LRP1B: variants seen among roughly 807,000 people sequenced by gnomAD.
The protein encoded by LRP1B is LDL receptor related protein 1B.
A neutral mutation model predicts 556.6 loss-of-function variants in LRP1B; 217 were observed. The ratio of observed to expected loss-of-function variants is 0.39; its 90% CI spans 0.35 to 0.44. The LOEUF (loss-of-function observed/expected upper bound fraction) is 0.44. Ranked by LOEUF, LRP1B falls within the 20% of genes least tolerant of loss-of-function variation. LRP1B has a pLI of 1.00. For synonymous variants in LRP1B, 2,047 were observed against 1,865.8 expected (o/e 1.10, Z -2.50); for missense variants, 5,053 against 5,620.8 (o/e 0.90, Z 3.23).
At chr2:140,550,330 C>T (rs1039341676) in intron 43 of LRP1B, among the ~76,000 whole-genome samples, 1 of 152,052 alleles carries the variant, frequency 6.6e-6, no homozygotes. Flanking sequence ...GGAAAGAGCA[C>T]AGTACTCAAA....
At chr2:140,440,606 CT>C (rs994632341) in intron 66 of LRP1B, among the ~76,000 whole-genome samples, 6 of 152,098 alleles carry the variant, frequency 3.9e-5, no homozygotes, top group African/African-American at 1.4e-4. Flanking sequence ...CCACTTATCC[CT>C]TTCAAAAATA....
chr2:141,187,951 T>C (rs1470634861), intron 7 of LRP1B, among the ~76,000 whole-genome samples: 2 of 151,998 alleles, frequency 1.3e-5, no homozygotes, highest in Non-Finnish European at 2.9e-5. Flanking sequence ...ACAAAGATAT[T>C]TTTAATGTTT....
chr2:141,145,267 C>T (rs761715111), intron 7 of LRP1B, among the ~76,000 whole-genome samples: 4 of 151,968 alleles, frequency 2.6e-5, no homozygotes, highest in Non-Finnish European at 5.9e-5. Context: ...AAATATATCG[C>T]TTTTAAATTT....
At chr2:141,823,994 C>T (rs1696843086) in intron 1 of LRP1B, among the ~76,000 whole-genome samples, 1 of 152,018 alleles carries the variant, frequency 6.6e-6, no homozygotes, top group South Asian at 2.1e-4. Context: ...TAAATTTAAA[C>T]TTACACTAAG....
intron 1 of LRP1B, among the ~76,000 whole-genome samples, chr2:141,979,615 G>A (rs565427511): frequency 2.5e-4 from 38 of 151,916 alleles, no homozygotes; most frequent in East Asian, 7.7e-4. Context: ...TTATCTTGCC[G>A]TCTTGTGTGT....
At position 141,329,386 on chromosome 2, in the gene LRP1B, CAAAA is replaced by C. The variant is rs3038417; in HGVS notation, c.344-74749_344-74746del. Among the ~76,000 whole-genome samples, 12 of 111,700 alleles carry C rather than the reference CAAAA, an allele frequency of 1.1e-4. No individual in the cohort carries two copies. The South Asian group carries it at 2.1e-3, about 20-fold the overall frequency. 73.3% of individuals were successfully genotyped at this position (111,700 alleles called of 152,430 possible). A position where few individuals can be genotyped will look rare whatever the true frequency, so the allele number is the denominator to read the frequency against. On this transcript the variant is annotated intron_variant, in intron 3 of 90. Coordinates refer to ENST00000389484, the MANE Select transcript of LRP1B (RefSeq NM_018557.3). Reference sequence around the variant, plus strand: ...CTGGGGGACAAGAGCAAAACTCCGTCAAAAAAAAAAAAAAAAGGGAGGCCGAGGC... The same window carrying C: ...CTGGGGGACAAGAGCAAAACTCCGTCAAAAAAAAAAAAGGGAGGCCGAGGC...
intron 3 of LRP1B, among the ~76,000 whole-genome samples, chr2:141,310,404 G>A (rs1331089042): frequency 6.6e-6 from 1 of 151,982 alleles, no homozygotes; most frequent in Non-Finnish European, 1.5e-5. Context: ...TACCTCGTAG[G>A]GTTATTATAA....
intron 31 of LRP1B, among the ~76,000 whole-genome samples, chr2:140,818,411 G>A (rs1049565231): frequency 6.6e-6 from 1 of 152,098 alleles, no homozygotes; most frequent in African/African-American, 2.4e-5. Context: ...TACATCACAT[G>A]CTATATCTGT....
At chr2:141,060,622 T>C (rs1361763798) in intron 8 of LRP1B, among the ~76,000 whole-genome samples, 1 of 151,732 alleles carries the variant, frequency 6.6e-6, no homozygotes, top group African/African-American at 2.4e-5. Flanking sequence ...TGACTGCCAA[T>C]TCATAACCCA....
At chr2:140,622,090 T>C (rs1392403201) in intron 41 of LRP1B, among the ~76,000 whole-genome samples, 1 of 152,238 alleles carries the variant, frequency 6.6e-6, no homozygotes, top group Non-Finnish European at 1.5e-5. Flanking sequence ...AAAGCATCAA[T>C]TTGGTGTAAA....
chr2:141,605,951 GAA>G (rs35831162), intron 2 of LRP1B, among the ~76,000 whole-genome samples: 10 of 146,542 alleles, frequency 6.8e-5, no homozygotes, highest in South Asian at 2.2e-4. Context: ...AAATGCAAAA[GAA>G]AAAAAAAAAC....
intron 3 of LRP1B, among the ~76,000 whole-genome samples, chr2:141,283,950 T>A (rs1685610039): frequency 6.6e-6 from 1 of 152,194 alleles, no homozygotes; most frequent in South Asian, 2.1e-4. Context: ...TGTTTGCTTA[T>A]ACTTTTTCTT....
intron 2 of LRP1B, among the ~76,000 whole-genome samples, chr2:141,787,127 T>C (rs2105652472): frequency 6.6e-6 from 1 of 152,076 alleles, no homozygotes; most frequent in Admixed American, 6.6e-5. Flanking sequence ...ACTGGAACTC[T>C]CACACATTGC....
At chr2:140,678,022 T>C (rs1198686561) in intron 41 of LRP1B, among the ~76,000 whole-genome samples, 1 of 152,144 alleles carries the variant, frequency 6.6e-6, no homozygotes, top group African/African-American at 2.4e-5. Context: ...CATGCAGTGC[T>C]TAATAATTTG....
intron 6 of LRP1B, among the ~76,000 whole-genome samples, chr2:141,214,469 T>C (rs576650380): frequency 2.6e-5 from 4 of 152,324 alleles, no homozygotes; most frequent in African/African-American, 9.6e-5. Context: ...CACATCATTT[T>C]ATGCATCTAA....
chr2:140,506,725 T>C (rs2104906397), intron 53 of LRP1B, 71 bp downstream of exon 53: 4 of 1,524,460 alleles, frequency 2.6e-6, no homozygotes, highest in Non-Finnish European at 3.5e-6. Context: ...GCTTTAGTTT[T>C]TTATTTACAT....
At chr2:140,311,313 C>T (rs1301546772) in intron 83 of LRP1B, among the ~76,000 whole-genome samples, 1 of 151,668 alleles carries the variant, frequency 6.6e-6, no homozygotes, top group Admixed American at 6.6e-5. Context: ...ATAAAGAAAA[C>T]GTGGCATACA....
intron 20 of LRP1B, among the ~76,000 whole-genome samples, chr2:140,924,270 A>C (rs919451037): frequency 2.0e-5 from 3 of 151,874 alleles, no homozygotes; most frequent in African/African-American, 7.2e-5. Flanking sequence ...GCAGTCACTT[A>C]CTCTTTTGAG....
At chr2:141,380,605 G>T (rs1689602610) in intron 3 of LRP1B, among the ~76,000 whole-genome samples, 1 of 152,152 alleles carries the variant, frequency 6.6e-6, no homozygotes, top group African/African-American at 2.4e-5. Context: ...GGTGCAAAAA[G>T]AGCAAAGAGA....
Sources: allele counts gnomAD v4.1 joint callset (sites outside exome capture counted in the v4.1 genomes callset), GRCh38; gene constraint gnomAD v4.1.1; transcripts MANE v1.5; gene names NCBI Gene and HGNC (gene_info 2026-07-23, HGNC 2026-07-21).